The following RTN1 variants were observed in gnomAD, a reference collection of about 807,000 sequenced individuals.
The protein encoded by RTN1 is reticulon-1.
RTN1 carries 25 observed loss-of-function variants against 65.5 expected under a neutral mutation model. That is an observed-to-expected ratio of 0.38 (90% CI 0.28 to 0.53). The LOEUF (loss-of-function observed/expected upper bound fraction) is 0.53. Among genes scored for constraint, RTN1 ranks in the 20% least tolerant of loss-of-function variants. The pLI is 0.79. For missense variants in RTN1, 983 were observed against 1,025.4 expected, an observed-to-expected ratio of 0.96 and a Z score of 0.57; for synonymous variants, 471 against 447.6, an observed-to-expected ratio of 1.05 and a Z score of -0.66.
At chr14:59,760,200 T>A (rs1450425273) in intron 1 of RTN1, among the ~76,000 whole-genome samples, 1 of 152,186 alleles carries the variant, frequency 6.6e-6, no homozygotes, top group African/African-American at 2.4e-5. Context: ...GATTTCCAGA[T>A]AAATATTAAG....
intron 1 of RTN1, among the ~76,000 whole-genome samples, chr14:59,762,986 CT>C (rs1885778604): frequency 6.6e-6 from 1 of 152,158 alleles, no homozygotes; most frequent in Non-Finnish European, 1.5e-5. Context: ...GTTTTGAGCA[CT>C]CCTCATTACA....
rs552017689 is a variant in RTN1, at chr14:59,854,639, CAAAAAAAAA to C, written c.241+15742_241+15750del. ...CTGGAGACAGAGCAAGACTGCGTCT[CAAAAAAAAA>C]AAAAAAAAAAAAAAAATAGATGCTG... On this transcript the variant is annotated intron_variant, in intron 1 of 8. Transcript: ENST00000267484. Among the ~76,000 whole-genome samples the C allele has an allele frequency of 3.3e-3, 240 of 71,796 alleles. 1 individual carries two copies. The highest frequency in any genetic ancestry group is 0.028 in the East Asian group (78 of 2,746). 47.1% of individuals were successfully genotyped at this position (71,796 alleles called of 152,430 possible).
Position 59,849,988 on chromosome 14 carries a change from G to A in RTN1, c.241+20402C>T, listed in dbSNP as rs1307370143. Among the ~76,000 whole-genome samples the A allele has an allele frequency of 6.6e-6, 1 of 151,894 alleles. No individual in the cohort carries two copies. Among genetic ancestry groups the A allele is most frequent in the Non-Finnish European group, 1.5e-5 (1 of 67,990 alleles). On this transcript the variant is annotated intron_variant, in intron 1 of 8. Coordinates refer to ENST00000267484, the MANE Select transcript of RTN1 (RefSeq NM_021136.3). This position sits in a 1 kb window ranked among gnomAD's most constrained non-coding sequence, Gnocchi z 4.5. ...TTTTGTCTATTTGTGTCCATTCCAG[G>A]GGCCAAGCCTCTCCTTTCACCGCCA...
chr14:59,688,857 G>A (rs778949776), intron 3 of RTN1, among the ~76,000 whole-genome samples: 1 of 151,960 alleles, frequency 6.6e-6, no homozygotes, highest in Non-Finnish European at 1.5e-5. Flanking sequence ...AATTAGAAAC[G>A]CCAGCATTTC....
intron 3 of RTN1, chr14:59,630,753 C>A: frequency 9.2e-7 from 1 of 1,083,974 alleles, no homozygotes. Context: ...GGCGCCGCTC[C>A]ACGCGACAGC....
intron 3 of RTN1, among the ~76,000 whole-genome samples, chr14:59,673,219 C>T (rs145856400): frequency 6.6e-6 from 1 of 152,116 alleles, no homozygotes; most frequent in Non-Finnish European, 1.5e-5. Context: ...TTGGGGAGTC[C>T]CAAGGTCTGA....
chr14:59,620,638 A>G (rs142350654), intron 3 of RTN1, among the ~76,000 whole-genome samples: 1 of 152,302 alleles, frequency 6.6e-6, no homozygotes, highest in East Asian at 1.9e-4. Context: ...GGCTTATATT[A>G]TATTTCTATT....
chr14:59,657,834 G>A (rs1005679618), intron 3 of RTN1, among the ~76,000 whole-genome samples: 6 of 144,420 alleles, frequency 4.2e-5, no homozygotes, highest in South Asian at 4.4e-4. Context: ...GGCAGACACC[G>A]AGCTAGCTGC....
chr14:59,655,636 T>C (rs1173652995), intron 3 of RTN1, among the ~76,000 whole-genome samples: 1 of 152,206 alleles, frequency 6.6e-6, no homozygotes, highest in Non-Finnish European at 1.5e-5. Context: ...TATAGATCAA[T>C]GGAACAGAAT....
At chr14:59,618,841 C>G (rs759619753) in intron 3 of RTN1, among the ~76,000 whole-genome samples, 3 of 152,182 alleles carry the variant, frequency 2.0e-5, no homozygotes, top group Non-Finnish European at 2.9e-5. Context: ...AAAGTCATTT[C>G]AATAGTAAAC....
chr14:59,703,909 G>A (rs1884234347), intron 3 of RTN1, among the ~76,000 whole-genome samples: 1 of 152,160 alleles, frequency 6.6e-6, no homozygotes. Context: ...AGTGTTCCAG[G>A]CTGAGGCCTA....
At chr14:59,754,938 GA>G (rs1885605680) in intron 1 of RTN1, among the ~76,000 whole-genome samples, 1 of 152,096 alleles carries the variant, frequency 6.6e-6, no homozygotes, top group Non-Finnish European at 1.5e-5. Context: ...AATGGACATA[GA>G]TCCTGTCATG....
chr14:59,684,788 T>C (rs1883813109), intron 3 of RTN1, among the ~76,000 whole-genome samples: 1 of 152,042 alleles, frequency 6.6e-6, no homozygotes, highest in East Asian at 1.9e-4. Context: ...CGAATAATAG[T>C]TTGGGTGGGT....
intron 1 of RTN1, among the ~76,000 whole-genome samples, chr14:59,852,528 C>T (rs1566748063): frequency 1.3e-5 from 2 of 152,240 alleles, no homozygotes; most frequent in South Asian, 2.1e-4. Context: ...GTTCCAAAAA[C>T]GTTGGCAGCG....
intron 2 of RTN1, among the ~76,000 whole-genome samples, chr14:59,736,546 C>A (rs182664573): frequency 6.6e-6 from 1 of 152,172 alleles, no homozygotes; most frequent in South Asian, 2.1e-4. Flanking sequence ...GCCTACCAAC[C>A]AAACAAAAGC....
intron 3 of RTN1, among the ~76,000 whole-genome samples, chr14:59,656,824 T>C (rs1312776146): frequency 6.6e-6 from 1 of 152,238 alleles, no homozygotes; most frequent in Non-Finnish European, 1.5e-5. Context: ...AACACAGGCA[T>C]GACTGCATTT....
At chr14:59,637,575 G>A (rs1426928530) in intron 3 of RTN1, among the ~76,000 whole-genome samples, 1 of 151,954 alleles carries the variant, frequency 6.6e-6, no homozygotes, top group African/African-American at 2.4e-5. Context: ...AGCTGGGTGT[G>A]GTGGTGCGTG....
At chr14:59,859,369 G>T (rs1887665491) in intron 1 of RTN1, among the ~76,000 whole-genome samples, 1 of 152,214 alleles carries the variant, frequency 6.6e-6, no homozygotes, top group Admixed American at 6.5e-5. Flanking sequence ...ATCCATGTAA[G>T]ACATGACTTG....
At chr14:59,792,346 A>G (rs1886363510) in intron 1 of RTN1, among the ~76,000 whole-genome samples, 2 of 135,922 alleles carry the variant, frequency 1.5e-5, no homozygotes, top group Admixed American at 1.6e-4. Context: ...TCTGAGAGAA[A>G]AGAGAAAAGA....
Sources: gnomAD v4.1 joint callset for allele counts (sites outside exome capture counted in the v4.1 genomes callset) on GRCh38, gnomAD v4.1.1 for gene constraint, Gnocchi (gnomAD v3.1) non-coding constraint, MANE v1.5 for transcripts, NCBI Gene and HGNC (gene_info 2026-07-23, HGNC 2026-07-21) for gene names.